Variants in PDE1C observed in about 807,000 individuals in gnomAD.
PDE1C encodes phosphodiesterase 1C.
In PDE1C, 62 loss-of-function variants were observed where a neutral mutation model predicts 93.1. That is an observed-to-expected ratio of 0.67 (90% CI 0.54 to 0.82). The LOEUF (loss-of-function observed/expected upper bound fraction) is 0.82. PDE1C is among the 40% of genes least tolerant of loss of function. PDE1C has a pLI of 0.00. For missense variants in PDE1C, 742 were observed against 884.6 expected (o/e 0.84, Z 2.04); for synonymous variants, 325 against 310.1 (o/e 1.05, Z -0.50).
At chr7:32,016,089 G>A (rs1787869432) in intron 2 of PDE1C, among the ~76,000 whole-genome samples, 1 of 152,158 alleles carries the variant, frequency 6.6e-6, no homozygotes, top group Non-Finnish European at 1.5e-5. Context: ...TCCTTAATTT[G>A]TATATAGTTA....
intron 1 of PDE1C, among the ~76,000 whole-genome samples, chr7:32,227,039 C>T (rs1324126111): frequency 2.0e-5 from 3 of 152,172 alleles, no homozygotes; most frequent in Non-Finnish European, 2.9e-5. Context: ...TTTCCCCAAA[C>T]GCACCTTCTG....
downstream of PDE1C, among the ~76,000 whole-genome samples, chr7:31,750,944 C>T (rs950171862): frequency 1.4e-4 from 21 of 152,182 alleles, no homozygotes; most frequent in African/African-American, 5.1e-4. Context: ...TACAGGTGTT[C>T]ACCTGCTGAC....
At chr7:32,298,807 G>A in exon 1 of PDE1C, 1 of 1,503,318 alleles carries the variant, frequency 6.7e-7, no homozygotes, top group Non-Finnish European at 8.8e-7. Flanking sequence ...GGCGGAGTGA[G>A]CAGCCCGGGG....
At chr7:32,319,824 T>C (rs185744058) in intron 1 of PDE1C, among the ~76,000 whole-genome samples, 6 of 152,364 alleles carry the variant, frequency 3.9e-5, no homozygotes, top group Admixed American at 3.9e-4. Context: ...CAGACATTTT[T>C]CTTAAGATAG....
chr7:32,078,682 T>C (rs1409604971), intron 3 of PDE1C, among the ~76,000 whole-genome samples: 1 of 152,116 alleles, frequency 6.6e-6, no homozygotes, highest in Non-Finnish European at 1.5e-5. Context: ...CCCGGCACTT[T>C]GGGAGGCCGA....
chr7:32,051,786 A>G (rs555359606), intron 1 of PDE1C, among the ~76,000 whole-genome samples: 1 of 152,206 alleles, frequency 6.6e-6, no homozygotes, highest in South Asian at 2.1e-4. Flanking sequence ...AGCCTTTAGT[A>G]AAAAATAGCA....
intron 1 of PDE1C, among the ~76,000 whole-genome samples, chr7:32,219,539 G>A (rs974436049): frequency 6.6e-6 from 1 of 152,180 alleles, no homozygotes; most frequent in African/African-American, 2.4e-5. Context: ...TTCAGGTGCT[G>A]GGACACCAGT....
chr7:32,009,824 T>C (rs545657843), intron 2 of PDE1C, among the ~76,000 whole-genome samples: 4 of 152,262 alleles, frequency 2.6e-5, no homozygotes, highest in Admixed American at 2.6e-4. Flanking sequence ...AACTGATCAA[T>C]CAGTTTAATA....
chr7:31,995,598 T>C (rs1360734464), intron 2 of PDE1C, among the ~76,000 whole-genome samples: 3 of 152,168 alleles, frequency 2.0e-5, no homozygotes, highest in East Asian at 1.9e-4. Flanking sequence ...TTTAGTCTCA[T>C]TGCCTCTAGA....
chr7:31,997,700 A>G (rs1784896742), intron 2 of PDE1C, among the ~76,000 whole-genome samples: 1 of 152,208 alleles, frequency 6.6e-6, no homozygotes, highest in Non-Finnish European at 1.5e-5. Flanking sequence ...ATTGTCAAGC[A>G]GTGGGATTAC....
intron 3 of PDE1C, among the ~76,000 whole-genome samples, chr7:32,161,655 C>A (rs1462695172): frequency 2.6e-5 from 4 of 152,114 alleles, no homozygotes; most frequent in Admixed American, 6.5e-5. Flanking sequence ...TATTTTGGGT[C>A]TTTATGTGGG....
chr7:32,202,892 C>T (rs1805121701), intron 2 of PDE1C, among the ~76,000 whole-genome samples: 1 of 152,010 alleles, frequency 6.6e-6, no homozygotes. Flanking sequence ...TGAACAATAC[C>T]ATATTGTTAA....
At chr7:32,324,906 A>T (rs956254678) in intron 1 of PDE1C, among the ~76,000 whole-genome samples, 7 of 152,178 alleles carry the variant, frequency 4.6e-5, no homozygotes, top group Admixed American at 4.6e-4. Context: ...CTGTGATCCT[A>T]CCACTGTACT....
the PDE1C span, among the ~76,000 whole-genome samples, chr7:31,660,999 TGTG>T: frequency 6.6e-6 from 1 of 151,930 alleles, no homozygotes; most frequent in Admixed American, 6.6e-5. Flanking sequence ...TAAAAAGAAA[TGTG>T]ATGAAGTTCC....
the PDE1C span, among the ~76,000 whole-genome samples, chr7:31,681,840 T>C: frequency 1.3e-5 from 2 of 152,208 alleles, no homozygotes; most frequent in South Asian, 2.1e-4. Flanking sequence ...AGTCCACACA[T>C]TGGTATCTTC....
At chr7:31,694,066 T>C in the PDE1C span, among the ~76,000 whole-genome samples, 1 of 152,210 alleles carries the variant, frequency 6.6e-6, no homozygotes, top group African/African-American at 2.4e-5. Flanking sequence ...AAATATTTAT[T>C]AATTGCTGCT....
chr7:31,703,719 C>T, the PDE1C span, among the ~76,000 whole-genome samples: 16 of 152,300 alleles, frequency 1.1e-4, no homozygotes, highest in African/African-American at 3.4e-4. Context: ...GAGAGAAACT[C>T]GCAGACAAAT....
At chr7:31,653,607 G>A in the PDE1C span, 2 of 152,056 alleles carry the variant, frequency 1.3e-5, no homozygotes, top group East Asian at 3.9e-4. Flanking sequence ...AAATTGTGAG[G>A]GAGGTATTTA....
At chr7:32,327,406 C>T (rs370446234) in intron 1 of PDE1C, among the ~76,000 whole-genome samples, 30 of 152,268 alleles carry the variant, frequency 2.0e-4, no homozygotes, top group African/African-American at 6.5e-4. Context: ...CCTCTCATGC[C>T]GCCTCCCAGA....
Sources: allele counts gnomAD v4.1 joint callset (sites outside exome capture counted in the v4.1 genomes callset), GRCh38; gene constraint gnomAD v4.1.1; transcripts MANE v1.5; gene names NCBI Gene and HGNC (gene_info 2026-07-23, HGNC 2026-07-21).